The following SLC5A7 variants were observed in gnomAD, a reference collection of about 807,000 sequenced individuals.
SLC5A7 encodes the protein solute carrier family 5 member 7.
In SLC5A7, 19 loss-of-function variants were observed where a neutral mutation model predicts 55.4. The ratio of observed to expected loss-of-function variants is 0.34; its 90% CI spans 0.24 to 0.50. The LOEUF is 0.50. Among genes scored for constraint, SLC5A7 ranks in the 20% least tolerant of loss-of-function variants. The pLI is 0.98. For missense variants in SLC5A7, 506 were observed against 705.3 expected (o/e 0.72, Z 3.20); for synonymous variants, 265 against 263.7 (o/e 1.00, Z -0.05).
chr2:108,007,940 A>T (rs1264265336), intron 7 of SLC5A7, among the ~76,000 whole-genome samples: 1 of 152,202 alleles, frequency 6.6e-6, no homozygotes, highest in Non-Finnish European at 1.5e-5. Context: ...TATTCAATAA[A>T]AAGGGACTGT....
In SLC5A7 at chr2:107,999,334, G is replaced by A. The variant is rs535708101; in HGVS notation, c.597+1348G>A. Among the ~76,000 whole-genome samples, 3 of 152,306 alleles carry A rather than the reference G, an allele frequency of 2.0e-5. No individual in the cohort carries two copies. In the South Asian group the frequency reaches 6.2e-4, roughly 32 times the overall value. ...TCAGGAGCCAGGTTGGTTTGGCAATGACAGCTCTCATAACTGATGCACTAG... is the reference window on the plus strand; with the variant it reads ...TCAGGAGCCAGGTTGGTTTGGCAATAACAGCTCTCATAACTGATGCACTAG... On this transcript the variant is annotated intron_variant, in intron 5 of 8. Transcript: ENST00000264047.
chr2:108,002,008 G>A lies in SLC5A7; in HGVS notation c.709G>A (p.Val237Ile). The A allele has an allele frequency of 2.5e-6, 4 of 1,614,190 alleles. No individual in the cohort carries two copies. The highest frequency in any genetic ancestry group is 2.5e-6 in the Non-Finnish European group (3 of 1,180,026). ...PWLGTVDSSE[V>I]YSWLDSFLLL... Reference sequence around the variant, plus strand: ...GCTGGGAACTGTTGACTCATCTGAAGTCTACTCTTGGCTTGATAGTTTTCT... The same window carrying A: ...GCTGGGAACTGTTGACTCATCTGAAATCTACTCTTGGCTTGATAGTTTTCT... The change falls in exon 6 of 9, where the codon GTC becomes ATC. Residue 237 changes from valine to isoleucine, a missense_variant. Around this residue, in one of 4 missense-constraint regions of SLC5A7, gnomAD observed 309 missense variants for 478.6 expected, o/e 0.65. Transcript: ENST00000264047.
chr2:108,000,237 A>G (rs1296409975), intron 5 of SLC5A7, among the ~76,000 whole-genome samples: 1 of 151,928 alleles, frequency 6.6e-6, no homozygotes, highest in African/African-American at 2.4e-5. Context: ...TCAATTCTTT[A>G]TTCTTCTACC....
At chr2:107,993,743 A>C (rs1677546542) in intron 4 of SLC5A7, among the ~76,000 whole-genome samples, 1 of 152,252 alleles carries the variant, frequency 6.6e-6, no homozygotes, top group African/African-American at 2.4e-5. Context: ...TGACTTTTTA[A>C]ATAAAATGTT....
chr2:107,991,539 GA>G (rs1231489857), intron 2 of SLC5A7, among the ~76,000 whole-genome samples: 18 of 152,050 alleles, frequency 1.2e-4, no homozygotes, highest in African/African-American at 4.1e-4. Context: ...GAGTGTTCAA[GA>G]AAAGACTCTA....
At position 107,997,930 on chromosome 2, in the gene SLC5A7, C is replaced by A. The variant is rs774461825; in HGVS notation, c.541C>A (p.Leu181Ile). ...CACTCTGTACACACTGGTGGGAGGG[C>A]TCTATTCTGTGGCCTACACTGATGT... Reference protein sequence around the residue: ...IATLYTLVGGLYSVAYTDVVQ... With the variant: ...IATLYTLVGGIYSVAYTDVVQ... Residue 181 changes from leucine to isoleucine, a missense_variant, in exon 5 of 9, where the codon CTC (leucine) becomes ATC (isoleucine). Coordinates refer to ENST00000264047, the MANE Select transcript of SLC5A7 (RefSeq NM_021815.5). 1.2e-6 allele frequency: 2 copies of A among 1,613,930 alleles called. No homozygotes were observed. The highest frequency in any genetic ancestry group is 1.7e-6 in the Non-Finnish European group (2 of 1,179,912).
chr2:108,009,056 G>T (rs867800659), intron 8 of SLC5A7, among the ~76,000 whole-genome samples: 1 of 151,820 alleles, frequency 6.6e-6, no homozygotes, highest in Non-Finnish European at 1.5e-5. Context: ...GCAGGGCATG[G>T]TAAGTTGTTC....
At chr2:107,987,427 A>C (rs1214970081) in intron 1 of SLC5A7, among the ~76,000 whole-genome samples, 2 of 152,160 alleles carry the variant, frequency 1.3e-5, no homozygotes, top group African/African-American at 4.8e-5. Flanking sequence ...TGAATGAAGG[A>C]TATTGGGCGA....
In SLC5A7 at chr2:107,994,883, A is replaced by G. The variant is rs1328406498; in HGVS notation, c.448+1756A>G. On this transcript the variant is annotated intron_variant, in intron 4 of 8. Transcript: ENST00000264047. ...ACTCATTGAGTAAAGATCAACTTAT[A>G]TAACAGAGCCCTGAAGAAAGAATAG... Among the ~76,000 whole-genome samples, 3 of 152,230 alleles carry G rather than the reference A, an allele frequency of 2.0e-5. No homozygotes were observed. The South Asian group carries it at 6.2e-4, about 32-fold the overall frequency.
rs1558872285 is a variant in SLC5A7, at chr2:108,010,272, T to C, written c.1154T>C (p.Val385Ala). 2 of 1,613,772 alleles carry C rather than the reference T, an allele frequency of 1.2e-6. No individual in the cohort carries two copies. Among genetic ancestry groups the C allele is most frequent in the East Asian group, 2.2e-5 (1 of 44,880 alleles). Residue 385 changes from valine (V) to alanine (A), a missense_variant, in exon 9 of 9, where the codon GTG (valine) becomes GCG (alanine). Physicochemically the swap from Val to Ala is moderately conservative, Grantham distance 64. Around this residue, in one of 4 missense-constraint regions of SLC5A7, gnomAD observed 309 missense variants for 478.6 expected, o/e 0.65. Coordinates refer to ENST00000264047, the MANE Select transcript of SLC5A7 (RefSeq NM_021815.5). ...ATCGTTTGGGTTATGCGAATCACAG[T>C]GTTTGTGTTTGGAGCATCTGCAACA... The part of the protein sequence containing the change: ...KEIVWVMRIT[V>A]FVFGASATAM...
chr2:108,001,809 C>T (rs1677917772), intron 5 of SLC5A7, 88 bp from the exon 6 acceptor site: 2 of 1,401,466 alleles, frequency 1.4e-6, no homozygotes, highest in African/African-American at 1.4e-5. Context: ...AACTACTGAG[C>T]TGTGCAGTGT....
intron 5 of SLC5A7, among the ~76,000 whole-genome samples, chr2:107,999,545 G>A (rs1677805013): frequency 6.6e-6 from 1 of 152,180 alleles, no homozygotes; most frequent in South Asian, 2.1e-4. Context: ...AAATTGATAA[G>A]GAATGGAGTT....
intron 6 of SLC5A7, among the ~76,000 whole-genome samples, chr2:108,003,246 G>A (rs1677982816): frequency 6.6e-6 from 1 of 152,168 alleles, no homozygotes; most frequent in South Asian, 2.1e-4. Flanking sequence ...TAGAGAGGAT[G>A]AGACTTAGAA....
rs757211775 is a variant in SLC5A7 at position 107,993,052 on chromosome 2, C to T, written c.373C>T (p.Arg125Cys). ...CCCGTTTCAGCAAATCTATGGAAAA[C>T]GCATGGGCGGACTCCTGTTTATTCC... ...LDPFQQIYGK[R>C]MGGLLFIPAL... Residue 125 changes from arginine (R) to cysteine (C), a missense_variant, in exon 4 of 9, where the codon CGC becomes TGC. Coordinates refer to ENST00000264047, the MANE Select transcript of SLC5A7 (RefSeq NM_021815.5). 27 of 1,614,054 alleles carry T rather than the reference C, an allele frequency of 1.7e-5. 1 individual carries two copies. Among genetic ancestry groups the T allele is most frequent in the Middle Eastern group, 1.6e-4 (1 of 6,084 alleles).
chr2:108,000,226 T>G (rs879941843), intron 5 of SLC5A7, among the ~76,000 whole-genome samples: 4 of 152,150 alleles, frequency 2.6e-5, no homozygotes, highest in Admixed American at 2.0e-4. Context: ...CATCTCTTCC[T>G]TCAATTCTTT....
chr2:108,009,865 T>G (rs1444840136), intron 8 of SLC5A7, among the ~76,000 whole-genome samples: 1 of 152,180 alleles, frequency 6.6e-6, no homozygotes, highest in Non-Finnish European at 1.5e-5. Flanking sequence ...TGGCCTATGC[T>G]CTGTCAATGC....
chr2:108,008,753 T>C, intron 8 of SLC5A7, 71 bp downstream of exon 8: 2 of 1,081,458 alleles, frequency 1.8e-6, no homozygotes, highest in Non-Finnish European at 1.3e-6. Flanking sequence ...GTATTTGTTG[T>C]ATATACAGTA....
At chr2:107,988,837 G>A (rs1031567926) in intron 2 of SLC5A7, among the ~76,000 whole-genome samples, 6 of 152,176 alleles carry the variant, frequency 3.9e-5, no homozygotes, top group Non-Finnish European at 8.8e-5. Flanking sequence ...CCAATTGAGT[G>A]ATTCCCTGTT....
chr2:107,988,644 G>A (rs1677334827), intron 2 of SLC5A7, among the ~76,000 whole-genome samples: 1 of 152,120 alleles, frequency 6.6e-6, no homozygotes, highest in Non-Finnish European at 1.5e-5. Context: ...AAGAGGTGGG[G>A]GAATGGGAAG....
Sources: allele counts gnomAD v4.1 joint callset (sites outside exome capture counted in the v4.1 genomes callset), GRCh38; gene constraint gnomAD v4.1.1; regional missense constraint gnomAD v4.1.1; transcripts MANE v1.5; gene names NCBI Gene and HGNC (gene_info 2026-07-23, HGNC 2026-07-21).